MYOM3: variants seen among roughly 807,000 people sequenced by gnomAD.
The protein encoded by MYOM3 is myomesin 3.
MYOM3 carries 155 observed loss-of-function variants against 191.7 expected under a neutral mutation model. The observed-to-expected ratio is 0.81, with a 90% confidence interval of 0.71 to 0.92. MYOM3 has a LOEUF of 0.92. Ranked by LOEUF, MYOM3 falls within the 40% of genes least tolerant of loss-of-function variation. The pLI, the probability that MYOM3 is intolerant of heterozygous loss-of-function variation, is 0.00. For missense variants in MYOM3, 1,889 were observed against 1,890.6 expected, an observed-to-expected ratio of 1.00 and a Z score of 0.02; for synonymous variants, 757 against 762.9, an observed-to-expected ratio of 0.99 and a Z score of 0.13.
chr1:24,107,931 C>G, intron 3 of MYOM3, 62 bp downstream of exon 3: 1 of 1,420,260 alleles, frequency 7.0e-7, no homozygotes, highest in Non-Finnish European at 9.8e-7. Flanking sequence ...GCAGGGAGGC[C>G]GGGGACTGGA....
intron 6 of MYOM3, 137 bp downstream of exon 6, chr1:24,099,543 T>A (rs191687189): frequency 1.5e-6 from 1 of 649,876 alleles, no homozygotes; most frequent in Non-Finnish European, 2.8e-6. Flanking sequence ...CAGGAATCGG[T>A]ATTTTGACCA....
At chr1:24,067,297 T>TTTCC (rs1557602265) in intron 27 of MYOM3, among the ~76,000 whole-genome samples, 9 of 129,000 alleles carry the variant, frequency 7.0e-5, no homozygotes, top group Admixed American at 2.3e-4. Context: ...TCTTTCTTTC[T>TTTCC]TTCTTTCCTT....
chr1:24,068,144 ACT>A (rs1643476413), intron 26 of MYOM3, 77 bp downstream of exon 26: 4 of 1,498,762 alleles, frequency 2.7e-6, no homozygotes, highest in Non-Finnish European at 3.6e-6. Flanking sequence ...AGAGCCGAGG[ACT>A]CAGGGCTGCA....
Position 24,074,168 on chromosome 1 carries a change from G to C in MYOM3, c.2960C>G (p.Thr987Ser). Reference sequence around the variant, plus strand: ...CGGGGTAGGTGCATTACCTTCCTCGGTTAGCGTGTGGCTTGCGGAGATGTC... The same window carrying C: ...CGGGGTAGGTGCATTACCTTCCTCGCTTAGCGTGTGGCTTGCGGAGATGTC... ...DEDISASHTL[T>S]EEELEKLKKL... Residue 987 changes from threonine to serine, a missense_variant, in exon 23 of 37, where the codon ACC becomes AGC. By Grantham distance (58) the Thr-to-Ser change is moderately conservative. Coordinates refer to ENST00000374434, the MANE Select transcript of MYOM3 (RefSeq NM_152372.4). 6.2e-7 allele frequency: 1 copy of C among 1,613,412 alleles called. No individual in the cohort carries two copies. The highest frequency in any genetic ancestry group is 8.5e-7 in the Non-Finnish European group (1 of 1,179,392).
At chr1:24,102,001 C>T (rs1023155563) in intron 5 of MYOM3, among the ~76,000 whole-genome samples, 2 of 152,182 alleles carry the variant, frequency 1.3e-5, no homozygotes, top group African/African-American at 4.8e-5. Context: ...CAACTCCATA[C>T]CCCTCTCTGG....
intron 5 of MYOM3, among the ~76,000 whole-genome samples, chr1:24,104,501 A>C (rs1643966285): frequency 6.6e-6 from 1 of 151,954 alleles, no homozygotes; most frequent in East Asian, 1.9e-4. Flanking sequence ...TTTGAGACAG[A>C]GTCCTGTTCT....
intron 35 of MYOM3, among the ~76,000 whole-genome samples, chr1:24,059,325 G>A (rs2148540022): frequency 6.6e-6 from 1 of 152,256 alleles, no homozygotes; most frequent in East Asian, 1.9e-4. Flanking sequence ...TGTAGAGACG[G>A]GGTTTCGCCA....
rs371764842 is a variant in MYOM3, at chr1:24,095,386, G to A, written c.790+56C>T. 318 of 1,532,060 alleles carry A rather than the reference G, an allele frequency of 2.1e-4. 3 individuals carry two copies. In the South Asian group the frequency reaches 3.1e-3, roughly 15 times the overall value. The allele number at this position is 1,532,060 out of a possible 1,614,324, so 94.9% of individuals were successfully genotyped here. A position where few individuals can be genotyped will look rare whatever the true frequency, so the allele number is the denominator to read the frequency against. Reference sequence around the variant, plus strand: ...ATTCTAAACAGGGACTGTGGGGGTCGGGGAGCAAAGCCTGAACAAAGAATC... The same window carrying A: ...ATTCTAAACAGGGACTGTGGGGGTCAGGGAGCAAAGCCTGAACAAAGAATC... On this transcript the variant is annotated intron_variant, in intron 8 of 36. Coordinates refer to ENST00000374434, the MANE Select transcript of MYOM3 (RefSeq NM_152372.4).
At chr1:24,107,463 G>T (rs1339568147) in intron 3 of MYOM3, among the ~76,000 whole-genome samples, 2 of 152,158 alleles carry the variant, frequency 1.3e-5, no homozygotes, top group African/African-American at 2.4e-5. Context: ...ACAAACCTTT[G>T]TTCATCTTGT....
Position 24,087,237 on chromosome 1 carries a change from C to T in MYOM3, c.1615-410G>A, listed in dbSNP as rs1404223601. On this transcript the variant is annotated intron_variant, in intron 14 of 36. Transcript: ENST00000374434. This position sits in a 1 kb window ranked among gnomAD's most constrained non-coding sequence, Gnocchi z 4.5. ...CCATGCCTTATTGTCCTCATGCTCC[C>T]CACCATAACCTTGATGCAGGCTGCC... Among the ~76,000 whole-genome samples, 1 of 152,176 alleles carries T rather than the reference C, an allele frequency of 6.6e-6. No homozygotes were observed. Among genetic ancestry groups the T allele is most frequent in the Non-Finnish European group, 1.5e-5 (1 of 68,032 alleles).
chr1:24,058,709 C>T (rs138505278), intron 36 of MYOM3, among the ~76,000 whole-genome samples: 4 of 152,296 alleles, frequency 2.6e-5, no homozygotes, highest in African/African-American at 4.8e-5. Context: ...CCAGGGCTGT[C>T]TAGACAGATG....
At chr1:24,062,165 C>A in intron 32 of MYOM3, 56 bp from the exon 33 acceptor site, 1 of 1,594,702 alleles carries the variant, frequency 6.3e-7, no homozygotes, top group Non-Finnish European at 8.6e-7. Flanking sequence ...TCAACAGATA[C>A]CCGTGCCCCA....
intron 16 of MYOM3, chr1:24,083,218 A>G (rs1171343089): frequency 6.6e-6 from 1 of 152,250 alleles, no homozygotes; most frequent in Non-Finnish European, 1.5e-5. Context: ...CCAATTGTGG[A>G]CCTCTTTCTC....
rs1443612792 is a variant in MYOM3, at chr1:24,094,960, G to T, written c.821C>A (p.Thr274Asn). 1.9e-6 allele frequency: 3 copies of T among 1,613,810 alleles called. No homozygotes were observed. The highest frequency in any genetic ancestry group is 2.2e-5 in the East Asian group (1 of 44,880). The change falls in exon 9 of 37, where the codon ACC (threonine) becomes AAC (asparagine). Residue 274 changes from threonine to asparagine, a missense_variant. By Grantham distance (65) the Thr-to-Asn change is moderately conservative (BLOSUM62 0). Coordinates refer to ENST00000374434, the MANE Select transcript of MYOM3 (RefSeq NM_152372.4). ...AGCAAAGACTGGCTTCAGCACCGAG[G>T]TGAATTCCACGCTGGGGCCAAACGT... ...RSTFGPSVEFTSVLKPVFARE... is the reference protein window; with the variant it reads ...RSTFGPSVEFNSVLKPVFARE...
At chr1:24,078,760 G>A (rs565367244) in intron 20 of MYOM3, among the ~76,000 whole-genome samples, 6 of 152,352 alleles carry the variant, frequency 3.9e-5, no homozygotes, top group Admixed American at 3.3e-4. Flanking sequence ...GCTATGGCCT[G>A]TGAAAGTGGC....
chr1:24,065,684 G>A, intron 29 of MYOM3: 2 of 612,506 alleles, frequency 3.3e-6, no homozygotes, highest in Admixed American at 2.9e-5. Context: ...TAGTTTTTTT[G>A]CATTAATTTT....
At chr1:24,061,333 G>T in intron 33 of MYOM3, 24 bp from the exon 34 acceptor site, 1 of 1,613,138 alleles carries the variant, frequency 6.2e-7, no homozygotes, top group Non-Finnish European at 8.5e-7. Flanking sequence ...AGAGGAGAAT[G>T]GGGGCCATCA....
intron 35 of MYOM3, among the ~76,000 whole-genome samples, chr1:24,060,328 G>A (rs1044819447): frequency 3.3e-5 from 5 of 152,200 alleles, no homozygotes; most frequent in African/African-American, 1.2e-4. Context: ...CCTGAGGCCT[G>A]CACTTCCTGT....
chr1:24,058,530 T>C (rs529027204), intron 36 of MYOM3, among the ~76,000 whole-genome samples: 1 of 152,308 alleles, frequency 6.6e-6, no homozygotes, highest in African/African-American at 2.4e-5. Context: ...AAAAAGATAA[T>C]ATACATGGAA....
Sources: allele counts gnomAD v4.1 joint callset (sites outside exome capture counted in the v4.1 genomes callset), GRCh38; gene constraint gnomAD v4.1.1; non-coding constraint Gnocchi (gnomAD v3.1); transcripts MANE v1.5; gene names NCBI Gene and HGNC (gene_info 2026-07-23, HGNC 2026-07-21).